The following PAN3 variants were observed in gnomAD, a reference collection of about 807,000 sequenced individuals.
PAN3 encodes the protein poly(A) specific ribonuclease subunit PAN3, also known as PAN2-PAN3 deadenylation complex subunit PAN3.
In PAN3, 19 loss-of-function variants were observed where a neutral mutation model predicts 96.2. That is an observed-to-expected ratio of 0.20 (90% CI 0.14 to 0.29). The LOEUF (loss-of-function observed/expected upper bound fraction) is 0.29, where lower values mean the gene tolerates loss of function less well. Among genes scored for constraint, PAN3 ranks in the 10% least tolerant of loss-of-function variants. The pLI is 1.00. For missense variants in PAN3, 882 were observed against 1,108.1 expected (o/e 0.80, Z 2.90); for synonymous variants, 433 against 406.6 (o/e 1.06, Z -0.78).
chr13:28,268,144 A>G (rs185046666), intron 12 of PAN3, among the ~76,000 whole-genome samples: 10 of 152,310 alleles, frequency 6.6e-5, no homozygotes, highest in African/African-American at 2.4e-4. Context: ...TCCCTGCCTA[A>G]GTACAACCAT....
chr13:28,243,537 C>A (rs1883874807), intron 6 of PAN3, among the ~76,000 whole-genome samples: 1 of 152,180 alleles, frequency 6.6e-6, no homozygotes, highest in African/African-American at 2.4e-5. Context: ...GCTACATTGA[C>A]TTAAAAAGAT....
intron 1 of PAN3, among the ~76,000 whole-genome samples, chr13:28,171,788 A>G (rs529932954): frequency 1.3e-5 from 2 of 152,316 alleles, no homozygotes; most frequent in African/African-American, 4.8e-5. Context: ...GGAAATTATT[A>G]ACTCAGCCTG....
In PAN3 at chr13:28,292,606, ATT is replaced by A; in HGVS notation, c.*85_*86del. ...CTACAGCTGAACTTTTCATCATCTC[ATT>A]CACATTTGGGAAACGAACAGGAGAT... On this transcript the variant is annotated 3_prime_UTR_variant, in exon 19 of 19. Coordinates refer to ENST00000380958, the MANE Select transcript of PAN3 (RefSeq NM_175854.8). The A allele has an allele frequency of 7.3e-7, 1 of 1,366,818 alleles. No homozygotes were observed. The highest frequency in any genetic ancestry group is 1.7e-5 in the South Asian group (1 of 58,812). The allele number at this position is 1,366,818 out of a possible 1,614,324, so 84.7% of individuals were successfully genotyped here.
chr13:28,199,518 A>G (rs1031500517), intron 5 of PAN3, among the ~76,000 whole-genome samples: 2 of 152,160 alleles, frequency 1.3e-5, no homozygotes, highest in African/African-American at 4.8e-5. Context: ...GCTGTACCCA[A>G]ATTTAGAGCT....
chr13:28,230,562 AAG>A (rs1371754595), intron 6 of PAN3, among the ~76,000 whole-genome samples: 1 of 152,198 alleles, frequency 6.6e-6, no homozygotes, highest in Non-Finnish European at 1.5e-5. Flanking sequence ...CAAAAAAAGA[AAG>A]AGAAAATAAG....
At chr13:28,285,317 T>C (rs1402708708) in intron 17 of PAN3, among the ~76,000 whole-genome samples, 1 of 152,356 alleles carries the variant, frequency 6.6e-6, no homozygotes, top group African/African-American at 2.4e-5. Context: ...GTACTTTCAG[T>C]ACATAGGTAA....
chr13:28,262,194 A>T lies in PAN3; in HGVS notation c.1411+736A>T, dbSNP rs9551457. Among the ~76,000 whole-genome samples the T allele has an allele frequency of 7.2e-4, 109 of 152,344 alleles. 3 individuals carry two copies. In the East Asian group the frequency reaches 0.019, roughly 26 times the overall value. Reference sequence around the variant, plus strand: ...CTGAAGTTGACAGGTTAAGTAACTTAACCTTCAGGACCAATGGCTGGTAAA... The same window carrying T: ...CTGAAGTTGACAGGTTAAGTAACTTTACCTTCAGGACCAATGGCTGGTAAA... On this transcript the variant is annotated intron_variant, in intron 9 of 18. Coordinates refer to ENST00000380958, the MANE Select transcript of PAN3 (RefSeq NM_175854.8).
intron 4 of PAN3, among the ~76,000 whole-genome samples, chr13:28,182,411 A>G (rs928254717): frequency 1.3e-5 from 2 of 151,982 alleles, no homozygotes; most frequent in African/African-American, 4.8e-5. Context: ...TTTGGTTTAT[A>G]CCCATCGTTT....
chr13:28,220,181 C>CT (rs1468804244), intron 5 of PAN3, 50 bp from the exon 6 acceptor site: 3 of 1,551,266 alleles, frequency 1.9e-6, no homozygotes, highest in South Asian at 1.2e-5. Context: ...GATTCAATGT[C>CT]TTTTTTCGGC....
chr13:28,201,698 CTG>C (rs1221377395), intron 5 of PAN3, among the ~76,000 whole-genome samples: 16 of 152,128 alleles, frequency 1.1e-4, no homozygotes, highest in Non-Finnish European at 2.4e-4. Flanking sequence ...CCACAACTGC[CTG>C]TCTTTGTACT....
intron 5 of PAN3, among the ~76,000 whole-genome samples, chr13:28,209,439 C>G (rs998584933): frequency 1.2e-4 from 19 of 152,184 alleles, no homozygotes; most frequent in African/African-American, 4.6e-4. Flanking sequence ...TTGCTGTTCT[C>G]TAGCTTATCT....
chr13:28,226,288 C>T (rs1370974672), intron 6 of PAN3, among the ~76,000 whole-genome samples: 3 of 152,092 alleles, frequency 2.0e-5, no homozygotes, highest in African/African-American at 7.2e-5. Flanking sequence ...TTTTAATAAA[C>T]ATAACAGATT....
chr13:28,151,956 C>T (rs73446906), intron 1 of PAN3, among the ~76,000 whole-genome samples: 1 of 152,060 alleles, frequency 6.6e-6, no homozygotes, highest in Non-Finnish European at 1.5e-5. Context: ...TCAGTGTATA[C>T]TTGGCATTTA....
chr13:28,213,848 T>C (rs542337594), intron 5 of PAN3, among the ~76,000 whole-genome samples: 35 of 152,268 alleles, frequency 2.3e-4, no homozygotes, highest in African/African-American at 7.2e-4. Context: ...AATAAGTTAT[T>C]TGGGAAATGC....
At chr13:28,150,466 A>C (rs142695429) in intron 1 of PAN3, among the ~76,000 whole-genome samples, 1,542 of 152,090 alleles carry the variant, frequency 0.01, 21 homozygotes, top group African/African-American at 0.035. Context: ...TCTACTAAAA[A>C]TACAAAAAAT....
At chr13:28,261,530 G>T in intron 9 of PAN3, 72 bp downstream of exon 9, 3 of 1,387,270 alleles carry the variant, frequency 2.2e-6, no homozygotes, top group Non-Finnish European at 3.0e-6. Flanking sequence ...CATGTTTTAT[G>T]CATTATTAAG....
intron 4 of PAN3, among the ~76,000 whole-genome samples, chr13:28,182,348 T>A (rs530548789): frequency 6.6e-6 from 1 of 152,348 alleles, no homozygotes; most frequent in African/African-American, 2.4e-5. Context: ...CATCTTCTTT[T>A]TTTATTCACC....
In PAN3 at chr13:28,177,879, C is replaced by A. The variant is rs748069269; in HGVS notation, c.634C>A (p.Pro212Thr). The A allele has an allele frequency of 3.1e-6, 5 of 1,613,084 alleles. No homozygotes were observed. In the South Asian group the frequency reaches 4.4e-5, roughly 14 times the overall value. Reference protein sequence around the residue: ...PYSAHDPLTSPASSLFNDFGA... With the variant: ...PYSAHDPLTSTASSLFNDFGA... ...TTACCTTTCAGATCCTCTAACATCACCTGCTTCATCCTTGTTTAATGACTT... is the reference window on the plus strand; with the variant it reads ...TTACCTTTCAGATCCTCTAACATCAACTGCTTCATCCTTGTTTAATGACTT... The change falls in exon 4 of 19, where the codon CCT (proline) becomes ACT (threonine). Residue 212 changes from proline to threonine, a missense_variant. Pro to Thr is a conservative substitution (Grantham distance 38). Around this residue, in one of 3 missense-constraint regions of PAN3, gnomAD observed 442 missense variants for 422.8 expected, o/e 1.05. Transcript: ENST00000380958.
At chr13:28,268,358 A>G (rs890909777) in intron 12 of PAN3, among the ~76,000 whole-genome samples, 7 of 152,104 alleles carry the variant, frequency 4.6e-5, no homozygotes, top group African/African-American at 1.4e-4. Flanking sequence ...ATTTCCCTAA[A>G]CAAATGCTTT....
Sources: gnomAD v4.1 joint callset for allele counts (sites outside exome capture counted in the v4.1 genomes callset) on GRCh38, gnomAD v4.1.1 for gene constraint, gnomAD v4.1.1 regional missense constraint, MANE v1.5 for transcripts, NCBI Gene and HGNC (gene_info 2026-07-23, HGNC 2026-07-21) for gene names.